The following FAT2 variants were observed in gnomAD, a reference collection of about 807,000 sequenced individuals.
FAT2 encodes protocadherin Fat 2.
FAT2 carries 150 observed loss-of-function variants against 295.3 expected under a neutral mutation model. The observed-to-expected ratio is 0.51, with a 90% CI of 0.44 to 0.58. The LOEUF is 0.58. FAT2 is among the 20% of genes least tolerant of loss of function. The pLI is 0.00. For synonymous variants in FAT2, 2,026 were observed against 2,150.3 expected (o/e 0.94, Z 1.60); for missense variants, 4,868 against 5,442.7 (o/e 0.89, Z 3.32).
chr5:151,570,116 A>G (rs1758461877), intron 1 of FAT2, among the ~76,000 whole-genome samples: 1 of 152,260 alleles, frequency 6.6e-6, no homozygotes, highest in Non-Finnish European at 1.5e-5. Flanking sequence ...ATTATTGATA[A>G]TAGGAAACTA....
rs925231118 is a variant in FAT2, at chr5:151,512,712, G to A, written c.11464-106C>T. The A allele has an allele frequency of 7.0e-5, 77 of 1,095,692 alleles. No homozygotes were observed. In the East Asian group the frequency reaches 1.9e-3, roughly 28 times the overall value. 67.9% of individuals were successfully genotyped at this position (1,095,692 alleles called of 1,614,324 possible). ...GTTGTTTGTATTTTTATGGGTAGGAGGGGGGTGTTTGGCTGTTTTAGACAT... is the reference window on the plus strand; with the variant it reads ...GTTGTTTGTATTTTTATGGGTAGGAAGGGGGTGTTTGGCTGTTTTAGACAT... On this transcript the variant is annotated intron_variant, in intron 20 of 23. Coordinates refer to ENST00000261800, the MANE Select transcript of FAT2 (RefSeq NM_001447.3). The surrounding 1 kb of genome is among the most constrained non-coding windows in gnomAD (Gnocchi z 4.1).
chr5:151,566,514 C>G lies in FAT2; in HGVS notation c.2418G>C (p.Leu806=), dbSNP rs1758274300. 1.2e-6 allele frequency: 2 copies of G among 1,614,032 alleles called. No individual in the cohort carries two copies. The highest frequency in any genetic ancestry group is 2.7e-5 in the African/African-American group (2 of 75,018). ...CATTCCAGTCTTTCACATTCACTGT[C>G]AGCAGCTTCCAGGAGGACTTCTGGG... ...GTPQKSSWKL[L]TVNVKDWNDN... The change falls in exon 2 of 24, where the codon CTG becomes CTC. Residue 806 remains leucine (L), a synonymous_variant. Transcript: ENST00000261800.
rs1397733808 is a variant in FAT2, at chr5:151,544,941, A to T, written c.6186T>A (p.Asp2062Glu). Reference sequence around the variant, plus strand: ...TAAATTTGGGGGGATTGTCATTGACATCCTCAATAGAGACTCTGACCAAAC... The same window carrying T: ...TAAATTTGGGGGGATTGTCATTGACTTCCTCAATAGAGACTCTGACCAAAC... ...AQGLVRVSIE[D>E]VNDNPPKFKH... is the part of the protein sequence containing the mutation. Residue 2062 changes from aspartate (D) to glutamate (E), a missense_variant, in exon 10 of 24, where the codon GAT becomes GAA. By Grantham distance (45) the Asp-to-Glu change is conservative. Transcript: ENST00000261800. 2.5e-6 allele frequency: 4 copies of T among 1,614,034 alleles called. No individual in the cohort carries two copies. The African/African-American group carries it at 5.3e-5, about 22-fold the overall frequency.
In FAT2 at chr5:151,505,714, G is replaced by A. The variant is rs1445622376; in HGVS notation, c.12901C>T (p.Arg4301Cys). Residue 4301 changes from arginine (R) to cysteine (C), a missense_variant, in exon 24 of 24, where the codon CGC becomes TGC. Around this residue, in one of 5 missense-constraint regions of FAT2, gnomAD observed 492 missense variants for 482.6 expected, o/e 1.02. Coordinates refer to ENST00000261800, the MANE Select transcript of FAT2 (RefSeq NM_001447.3). ...ADGGYKGVGM[R>C]LSRAGPSYAV... ...TAAGAGGGCCCAGCTCGGCTGAGGC[G>A]CATACCCACCCCCTTGTAGCCCCCG... 8.1e-6 allele frequency: 13 copies of A among 1,613,784 alleles called. No individual in the cohort carries two copies. Among genetic ancestry groups the A allele is most frequent in the East Asian group, 4.5e-5 (2 of 44,868 alleles).
At position 151,510,071 on chromosome 5, in the gene FAT2, G is replaced by A. The variant is rs201171125; in HGVS notation, c.12009C>T (p.Leu4003=). The A allele has an allele frequency of 1.1e-5, 17 of 1,614,206 alleles. No individual in the cohort carries two copies. Among genetic ancestry groups the A allele is most frequent in the Admixed American group, 3.3e-5 (2 of 60,026 alleles). The part of the protein sequence containing the change: ...APCLEGGTCI[L]SPKGASCNCP... ...AGTTACAGGAAGCTCCTTTGGGGGA[G>A]AGGATGCAAGTTCCACCTTCCAGGC... The change falls in exon 22 of 24, where the codon CTC becomes CTT. Residue 4003 remains leucine, a synonymous_variant. Coordinates refer to ENST00000261800, the MANE Select transcript of FAT2 (RefSeq NM_001447.3).
intron 5 of FAT2, among the ~76,000 whole-genome samples, chr5:151,553,708 TC>T (rs1757433251): frequency 6.6e-6 from 1 of 152,248 alleles, no homozygotes; most frequent in Non-Finnish European, 1.5e-5. Context: ...CCTTTGCTTT[TC>T]CCAACTACCA....
chr5:151,504,629 G>T lies in FAT2; in HGVS notation c.*936C>A, dbSNP rs771593713. On this transcript the variant is annotated 3_prime_UTR_variant, in exon 24 of 24. Transcript: ENST00000261800. ...GAGTTCAGACTTCCTTGTGTCTAGG[G>T]AAGAAAAATCCCATTGAGGAAACTC... 1 of 152,650 alleles carries T rather than the reference G, an allele frequency of 6.6e-6. No individual in the cohort carries two copies. Among genetic ancestry groups the T allele is most frequent in the Non-Finnish European group, 1.5e-5 (1 of 68,038 alleles). The allele number at this position is 152,650 out of a possible 1,614,324, so 9.5% of individuals were successfully genotyped here. A position where few individuals can be genotyped will look rare whatever the true frequency, so the allele number is the denominator to read the frequency against.
At chr5:151,565,647 A>AGGGCC in intron 2 of FAT2, 26 bp downstream of exon 2, 428 of 1,460,082 alleles carry the variant, frequency 2.9e-4, no homozygotes, top group Middle Eastern at 3.9e-4. Flanking sequence ...TGGCCCTGGC[A>AGGGCC]CCCCACCCTA....
Position 151,507,596 on chromosome 5 carries a change from C to G in FAT2, c.12075G>C (p.Ala4025=). ...GGCAGTGTCCTTCTGAACAACCCCT[C>G]GCCTCCATTTCACACCTGCGGAGAC... is the stretch of plus-strand genomic sequence containing the variant. ...PYTGDRCEME[A]RGCSEGHCLV... The change falls in exon 23 of 24, where the codon GCG becomes GCC. Residue 4025 remains alanine, a synonymous_variant. Coordinates refer to ENST00000261800, the MANE Select transcript of FAT2 (RefSeq NM_001447.3). The G allele has an allele frequency of 6.2e-7, 1 of 1,600,794 alleles. No individual in the cohort carries two copies. Among genetic ancestry groups the G allele is most frequent in the Non-Finnish European group, 8.5e-7 (1 of 1,176,440 alleles).
intron 11 of FAT2, among the ~76,000 whole-genome samples, chr5:151,540,040 G>A (rs1178998192): frequency 6.6e-6 from 1 of 152,242 alleles, no homozygotes; most frequent in Non-Finnish European, 1.5e-5. Context: ...TTTGATAATA[G>A]TGAGCCATGT....
chr5:151,514,817 A>G (rs937149860), intron 20 of FAT2, among the ~76,000 whole-genome samples: 14 of 152,138 alleles, frequency 9.2e-5, no homozygotes, highest in African/African-American at 3.1e-4. Flanking sequence ...CCATTTATGC[A>G]CTAGATTCTA....
chr5:151,552,614 G>A (rs778909141), intron 6 of FAT2, among the ~76,000 whole-genome samples: 153 of 152,298 alleles, frequency 1.0e-3, no homozygotes, highest in Admixed American at 9.2e-4. Context: ...GGACCTAAGC[G>A]TTCGTCAGAT....
In FAT2 at chr5:151,554,443, C is replaced by T. The variant is rs1251397154; in HGVS notation, c.3864G>A (p.Glu1288=). Residue 1288 remains glutamate (E), a synonymous_variant, in exon 5 of 24, where the codon GAG becomes GAA. Coordinates refer to ENST00000261800, the MANE Select transcript of FAT2 (RefSeq NM_001447.3). ...TGACCAGGTCGATACTGAAGGCCTC[C>T]TCATCGCTGTCCTCGATACTGTAGG... ...RVTYSIEDSD[E]EAFSIDLVTG... is the part of the protein sequence containing the mutation. The T allele has an allele frequency of 3.1e-6, 5 of 1,614,216 alleles. No individual in the cohort carries two copies. Among genetic ancestry groups the T allele is most frequent in the Middle Eastern group, 1.6e-4 (1 of 6,062 alleles).
At chr5:151,585,034 A>G (rs1489979907) in intron 1 of FAT2, among the ~76,000 whole-genome samples, 3 of 152,346 alleles carry the variant, frequency 2.0e-5, no homozygotes, top group African/African-American at 7.2e-5. Flanking sequence ...CCCCTGAAAT[A>G]TGACAGTAAA....
intron 18 of FAT2, among the ~76,000 whole-genome samples, chr5:151,522,425 T>C (rs1753567502): frequency 6.6e-6 from 1 of 152,214 alleles, no homozygotes; most frequent in Admixed American, 6.5e-5. Flanking sequence ...TTTCTCATTC[T>C]GTCCCTGTCC....
In FAT2 at chr5:151,510,001, G is replaced by A. The variant is rs765555615; in HGVS notation, c.12059+20C>T. The A allele has an allele frequency of 1.9e-6, 3 of 1,611,490 alleles. No individual in the cohort carries two copies. The highest frequency in any genetic ancestry group is 1.1e-5 in the South Asian group (1 of 91,022). ...TTCCCTAACAAGGAGCCCATGGCAG[G>A]TGGCCTCTCCTGGGATTACCTGTCT... On this transcript the variant is annotated intron_variant, in intron 22 of 23. Coordinates refer to ENST00000261800, the MANE Select transcript of FAT2 (RefSeq NM_001447.3).
At chr5:151,579,031 T>G (rs191665687) in intron 1 of FAT2, among the ~76,000 whole-genome samples, 1 of 152,182 alleles carries the variant, frequency 6.6e-6, no homozygotes, top group African/African-American at 2.4e-5. Context: ...AAATTTCCAT[T>G]TGGAGTTGAA....
chr5:151,527,422 C>T (rs1024565315), intron 16 of FAT2, 45 bp from the exon 17 acceptor site: 5 of 1,527,510 alleles, frequency 3.3e-6, no homozygotes, highest in Non-Finnish European at 4.4e-6. Flanking sequence ...GGTAGCTGTC[C>T]CTCACTTCTG....
rs1219424693 is a variant in FAT2, at chr5:151,568,713, G to T, written c.219C>A (p.Ile73=). The change falls in exon 2 of 24, where the codon ATC becomes ATA. Residue 73 remains isoleucine (I), a synonymous_variant. Coordinates refer to ENST00000261800, the MANE Select transcript of FAT2 (RefSeq NM_001447.3). ...ATACATTGGCCACATCCCCAGAGAT[G>T]ATCCGGTACCTCACTGCCCACTGTG... is the stretch of plus-strand genomic sequence containing the variant. ...AEPQWAVRYR[I]ISGDVANVFK... is the part of the protein sequence containing the mutation. The T allele has an allele frequency of 6.2e-7, 1 of 1,614,216 alleles. No homozygotes were observed. Among genetic ancestry groups the T allele is most frequent in the South Asian group, 1.1e-5 (1 of 91,082 alleles).
Sources: gnomAD v4.1 joint callset for allele counts (sites outside exome capture counted in the v4.1 genomes callset) on GRCh38, gnomAD v4.1.1 for gene constraint, gnomAD v4.1.1 regional missense constraint, Gnocchi (gnomAD v3.1) non-coding constraint, MANE v1.5 for transcripts, NCBI Gene and HGNC (gene_info 2026-07-23, HGNC 2026-07-21) for gene names.